Variants in BRPF3 observed in about 807,000 individuals in gnomAD.
BRPF3 encodes bromodomain and PHD finger containing 3.
Under a neutral mutation model 102.0 loss-of-function variants are expected in BRPF3, and 18 were observed. That is an observed-to-expected ratio of 0.18 (90% CI 0.12 to 0.26). The LOEUF (loss-of-function observed/expected upper bound fraction) is 0.26. Ranked by LOEUF, BRPF3 falls within the 10% of genes least tolerant of loss-of-function variation. BRPF3 has a pLI of 1.00. For synonymous variants in BRPF3, 570 were observed against 614.2 expected (o/e 0.93, Z 1.06); for missense variants, 1,147 against 1,567.8 (o/e 0.73, Z 4.53).
chr6:36,227,326 A>G (rs764225814), intron 11 of BRPF3, among the ~76,000 whole-genome samples: 1 of 152,188 alleles, frequency 6.6e-6, no homozygotes, highest in Non-Finnish European at 1.5e-5. Context: ...AAACCCCACC[A>G]TTCTAATGTT....
chr6:36,225,071 T>C (rs1768684997), intron 10 of BRPF3, among the ~76,000 whole-genome samples, 196 bp from the exon 11 acceptor site: 1 of 152,222 alleles, frequency 6.6e-6, no homozygotes, highest in South Asian at 2.1e-4. Context: ...ATTTACTATT[T>C]GGCCCTTTAC....
At chr6:36,197,466 T>G (rs966450542) in intron 1 of BRPF3, 1 of 152,248 alleles carries the variant, frequency 6.6e-6, no homozygotes, top group African/African-American at 2.4e-5. Flanking sequence ...CCCTCCTTTC[T>G]TCTCCGAGGG....
intron 2 of BRPF3, among the ~76,000 whole-genome samples, chr6:36,203,392 T>G (rs1438781312): frequency 6.6e-6 from 1 of 152,228 alleles, no homozygotes; most frequent in African/African-American, 2.4e-5. Context: ...TGGTGACTAC[T>G]GCTGCTGCTG....
chr6:36,206,440 C>G (rs771864804), intron 3 of BRPF3, among the ~76,000 whole-genome samples: 2 of 152,200 alleles, frequency 1.3e-5, no homozygotes, highest in Non-Finnish European at 2.9e-5. Flanking sequence ...AGAATATACT[C>G]CTCTTTCTAG....
intron 7 of BRPF3, among the ~76,000 whole-genome samples, chr6:36,212,719 C>G (rs112010765): frequency 1.3e-3 from 198 of 151,124 alleles, no homozygotes; most frequent in African/African-American, 4.7e-3. Context: ...TTTGGGAGGC[C>G]GAGGCGGGTG....
chr6:36,214,942 A>G (rs926154849), intron 8 of BRPF3, among the ~76,000 whole-genome samples: 1 of 151,988 alleles, frequency 6.6e-6, no homozygotes, highest in Non-Finnish European at 1.5e-5. Context: ...TGTCTAGGGG[A>G]AGAACATTCC....
At chr6:36,216,455 T>A (rs911580931) in intron 8 of BRPF3, among the ~76,000 whole-genome samples, 1 of 152,216 alleles carries the variant, frequency 6.6e-6, no homozygotes, top group African/African-American at 2.4e-5. Context: ...CAGGGATACT[T>A]CTATACAACC....
chr6:36,217,001 T>C (rs1031030424), intron 8 of BRPF3, among the ~76,000 whole-genome samples: 18 of 152,104 alleles, frequency 1.2e-4, no homozygotes, highest in African/African-American at 4.3e-4. Flanking sequence ...TTTACACCAC[T>C]GCACTCCGCC....
At chr6:36,219,446 T>C (rs1199706583) in intron 9 of BRPF3, among the ~76,000 whole-genome samples, 2 of 152,196 alleles carry the variant, frequency 1.3e-5, no homozygotes, top group South Asian at 2.1e-4. Flanking sequence ...GCCCACTTTG[T>C]TGGGGTCAGG....
chr6:36,202,723 T>G (rs1767760235), intron 2 of BRPF3, among the ~76,000 whole-genome samples: 1 of 152,122 alleles, frequency 6.6e-6, no homozygotes, highest in Non-Finnish European at 1.5e-5. Context: ...AATGATATAT[T>G]TATTGAGCAC....
At position 36,200,999 on chromosome 6, in the gene BRPF3, G is replaced by A. The variant is rs752366945; in HGVS notation, c.677G>A (p.Ser226Asn). The part of the protein sequence containing the change: ...CVCLDDECHN[S>N]NVILFCDICN... ...TGCCTGGATGATGAATGTCACAATA[G>A]CAATGTTATTCTCTTCTGTGACATC... Residue 226 changes from serine to asparagine, a missense_variant, in exon 2 of 13, where the codon AGC becomes AAC. Physicochemically the swap from Ser to Asn is conservative, Grantham distance 46. Transcript: ENST00000357641. The surrounding 1 kb of genome is among the most constrained non-coding windows in gnomAD (Gnocchi z 5.3). The A allele has an allele frequency of 3.1e-6, 5 of 1,614,134 alleles. No individual in the cohort carries two copies. The highest frequency in any genetic ancestry group is 3.3e-5 in the Admixed American group (2 of 60,016).
At chr6:36,212,549 C>T (rs1382680712) in intron 7 of BRPF3, among the ~76,000 whole-genome samples, 7 of 141,328 alleles carry the variant, frequency 5.0e-5, no homozygotes, top group African/African-American at 1.9e-4. Flanking sequence ...GAGTTGTGCC[C>T]AGTAGGCCAA....
At position 36,203,228 on chromosome 6, in the gene BRPF3, G is replaced by T. The variant is rs191085979; in HGVS notation, c.1449-1430G>T. ...ATTTGAAACCCAATTCTGTGACTTA[G>T]TACCTTTGTGACTTTTGGCAAGTTG... On this transcript the variant is annotated intron_variant, in intron 2 of 12. Coordinates refer to ENST00000357641, the MANE Select transcript of BRPF3 (RefSeq NM_015695.3). Among the ~76,000 whole-genome samples the T allele has an allele frequency of 1.2e-3, 178 of 152,304 alleles. 3 individuals carry two copies. Among genetic ancestry groups the T allele is most frequent in the African/African-American group, 4.0e-3 (168 of 41,570 alleles).
chr6:36,212,929 C>T (rs541061049), intron 7 of BRPF3, among the ~76,000 whole-genome samples: 23 of 151,484 alleles, frequency 1.5e-4, no homozygotes, highest in African/African-American at 4.1e-4. Context: ...GTCCGCAGTC[C>T]GGCCTGGGCG....
rs1402502560 is a variant in BRPF3, at chr6:36,210,298, C to A, written c.1949C>A (p.Thr650Asn). 1.2e-6 allele frequency: 2 copies of A among 1,614,228 alleles called. No homozygotes were observed. Among genetic ancestry groups the A allele is most frequent in the Admixed American group, 3.3e-5 (2 of 60,030 alleles). The change falls in exon 6 of 13, where the codon ACC becomes AAC. Residue 650 changes from threonine to asparagine, a missense_variant. Transcript: ENST00000357641. The surrounding 1 kb of genome is among the most constrained non-coding windows in gnomAD (Gnocchi z 4.7). ...RRKLESHLYRTLEEFEEDFNL... is the reference protein window; with the variant it reads ...RRKLESHLYRNLEEFEEDFNL... Reference sequence around the variant, plus strand: ...AAGCTGGAGTCCCACCTGTACCGCACCTTGGAGGAGTTTGAGGAGGACTTT... The same window carrying A: ...AAGCTGGAGTCCCACCTGTACCGCAACTTGGAGGAGTTTGAGGAGGACTTT...
intron 3 of BRPF3, among the ~76,000 whole-genome samples, chr6:36,206,996 C>T (rs1209026743): frequency 3.3e-5 from 5 of 152,036 alleles, no homozygotes; most frequent in Non-Finnish European, 7.4e-5. Context: ...TTCTTTTCAC[C>T]CCTGAGGTCA....
intron 3 of BRPF3, 88 bp downstream of exon 3, chr6:36,204,902 C>T: frequency 6.5e-7 from 1 of 1,540,798 alleles, no homozygotes; most frequent in Non-Finnish European, 8.8e-7. Context: ...GGCACCCCTT[C>T]TTGATCCCTC....
rs1225417403 is a variant in BRPF3, at chr6:36,210,114, C to A, written c.1867-102C>A. 2.5e-5 allele frequency: 37 copies of A among 1,483,528 alleles called. No individual in the cohort carries two copies. Among genetic ancestry groups the A allele is most frequent in the Non-Finnish European group, 3.4e-5 (36 of 1,072,312 alleles). 91.9% of individuals were successfully genotyped at this position (1,483,528 alleles called of 1,614,324 possible). A position where few individuals can be genotyped will look rare whatever the true frequency, so the allele number is the denominator to read the frequency against. On this transcript the variant is annotated intron_variant, in intron 5 of 12. Transcript: ENST00000357641. The surrounding 1 kb of genome is among the most constrained non-coding windows in gnomAD (Gnocchi z 4.7). Reference sequence around the variant, plus strand: ...ACTGTAGGTCTTTGAGTTAGCCTGGCATGGCCAAATCAGAAATTGAGGAGG... The same window carrying A: ...ACTGTAGGTCTTTGAGTTAGCCTGGAATGGCCAAATCAGAAATTGAGGAGG...
chr6:36,196,917 C>T lies in BRPF3; in HGVS notation c.-80C>T, dbSNP rs1169092403. 2.0e-5 allele frequency: 3 copies of T among 151,460 alleles called. No individual in the cohort carries two copies. Among genetic ancestry groups the T allele is most frequent in the African/African-American group, 4.8e-5 (2 of 41,306 alleles). 9.4% of individuals were successfully genotyped at this position (151,460 alleles called of 1,614,324 possible). On this transcript the variant is annotated 5_prime_UTR_variant, in exon 1 of 13. Transcript: ENST00000357641. ...CGGGCCGCGCCGACCTGCTCGGCGG[C>T]CTGCCCGCCCGCGCCCAGGGGCCCC... is the stretch of plus-strand genomic sequence containing the variant.
Sources: allele counts gnomAD v4.1 joint callset (sites outside exome capture counted in the v4.1 genomes callset), GRCh38; gene constraint gnomAD v4.1.1; non-coding constraint Gnocchi (gnomAD v3.1); transcripts MANE v1.5; gene names NCBI Gene and HGNC (gene_info 2026-07-23, HGNC 2026-07-21).